The following ZNF624 variants were observed in gnomAD, a reference collection of about 807,000 sequenced individuals.
ZNF624 encodes zinc finger protein 624.
Under a neutral mutation model 74.7 loss-of-function variants are expected in ZNF624, and 43 were observed. The ratio of observed to expected loss-of-function variants is 0.58; its 90% confidence interval spans 0.45 to 0.74. ZNF624 has a LOEUF of 0.74. Ranked by LOEUF, ZNF624 falls within the 30% of genes least tolerant of loss-of-function variation. The probability of loss-of-function intolerance (pLI) is 0.00; values close to 1 mark genes in which losing one functional copy is unlikely to be tolerated. For synonymous variants in ZNF624, 331 were observed against 341.3 expected (o/e 0.97, Z 0.33); for missense variants, 820 against 1,030.0 (o/e 0.80, Z 2.79).
intron 3 of ZNF624, among the ~76,000 whole-genome samples, chr17:16,643,928 G>A (rs1040241213): frequency 4.6e-5 from 7 of 152,130 alleles, no homozygotes; most frequent in Non-Finnish European, 1.0e-4. Context: ...GGGCCTAATG[G>A]GAGGTGTTTG....
chr17:16,624,896 G>T (rs1909031433), intron 5 of ZNF624: 1 of 162,594 alleles, frequency 6.2e-6, no homozygotes, highest in Non-Finnish European at 1.2e-5. Flanking sequence ...AATTAGCCAG[G>T]CATGGTGGTG....
At position 16,647,364 on chromosome 17, in the gene ZNF624, G is replaced by A; in HGVS notation, c.118C>T (p.Leu40Phe). The change falls in exon 3 of 6, where the codon CTT becomes TTT. Residue 40 changes from leucine to phenylalanine, a missense_variant. Physicochemically the swap from Leu to Phe is conservative, Grantham distance 22 (BLOSUM62 0). Transcript: ENST00000311331. ...TGTGTTTCTTCTGCCTGAAGGTGAA[G>A]ATCTTCATCTGGCTGGGTAACTTCA... ...SPEVTQPDED[L>F]HLQAEETQLV... The A allele has an allele frequency of 6.2e-7, 1 of 1,614,180 alleles. No individual in the cohort carries two copies. The highest frequency in any genetic ancestry group is 8.5e-7 in the Non-Finnish European group (1 of 1,180,020).
Position 16,623,754 on chromosome 17 carries a change from G to A in ZNF624, c.1132C>T (p.His378Tyr). 1 of 1,614,022 alleles carries A rather than the reference G, an allele frequency of 6.2e-7. No individual in the cohort carries two copies. The highest frequency in any genetic ancestry group is 8.5e-7 in the Non-Finnish European group (1 of 1,180,008). The change falls in exon 6 of 6, where the codon CAC becomes TAC. Residue 378 changes from histidine to tyrosine, a missense_variant. Coordinates refer to ENST00000311331, the MANE Select transcript of ZNF624 (RefSeq NM_020787.4). The surrounding 1 kb of genome is among the most constrained non-coding windows in gnomAD (Gnocchi z 5.3). ...SFSQCARLNQ[H>Y]QRIQTGEKPY... ...TTCTCTCCAGTTTGAATTCTCTGGTGCTGATTAAGACGGGCACACTGGCTA... is the reference window on the plus strand; with the variant it reads ...TTCTCTCCAGTTTGAATTCTCTGGTACTGATTAAGACGGGCACACTGGCTA...
chr17:16,619,973 T>C (rs879512111), downstream of ZNF624, among the ~76,000 whole-genome samples: 1 of 152,212 alleles, frequency 6.6e-6, no homozygotes, highest in Non-Finnish European at 1.5e-5. Flanking sequence ...TCAATGAGGA[T>C]TGGTCTCTTA....
chr17:16,617,673 G>T (rs1908818746), downstream of ZNF624: 1 of 1,606,502 alleles, frequency 6.2e-7, no homozygotes, highest in South Asian at 1.1e-5. Flanking sequence ...CGGGCCCCGG[G>T]CGTGCTCTAC....
chr17:16,623,803 C>G lies in ZNF624; in HGVS notation c.1083G>C (p.Gln361His). 6.2e-7 allele frequency: 1 copy of G among 1,614,024 alleles called. No individual in the cohort carries two copies. The highest frequency in any genetic ancestry group is 1.1e-5 in the South Asian group (1 of 91,080). ...QRIHTKEKPY[Q>H]CNVCGKSFSQ... Reference sequence around the variant, plus strand: ...TAAAAGATTTCCCACACACATTACACTGATAAGGTTTCTCTTTAGTGTGAA... The same window carrying G: ...TAAAAGATTTCCCACACACATTACAGTGATAAGGTTTCTCTTTAGTGTGAA... The change falls in exon 6 of 6, where the codon CAG (glutamine) becomes CAC (histidine). Residue 361 changes from glutamine to histidine, a missense_variant. By Grantham distance (24) the Gln-to-His change is conservative. Transcript: ENST00000311331. The surrounding 1 kb of genome is among the most constrained non-coding windows in gnomAD (Gnocchi z 5.3).
At position 16,622,330 on chromosome 17, in the gene ZNF624, A is replaced by C. The variant is rs1459879778; in HGVS notation, c.2556T>G (p.Thr852=). 2 of 1,603,636 alleles carry C rather than the reference A, an allele frequency of 1.2e-6. No homozygotes were observed. The highest frequency in any genetic ancestry group is 1.3e-5 in the African/African-American group (1 of 74,284). ...CTCTTTGATGTATTCTTTGATGTAC[A>C]GTAAGGCTCGAACTACTCCTGAAGG... ...GKAFRSSSSL[T]VHQRIHQRET... Residue 852 remains threonine (T), a synonymous_variant, in exon 6 of 6, where the codon ACT becomes ACG. Transcript: ENST00000311331.
intron 1 of ZNF624, chr17:16,653,538 T>C (rs1419833325): frequency 6.6e-6 from 1 of 152,336 alleles, no homozygotes; most frequent in African/African-American, 2.4e-5. Flanking sequence ...GGACCCGGAC[T>C]AGGAGGCCGC....
intron 3 of ZNF624, among the ~76,000 whole-genome samples, chr17:16,643,828 G>C (rs1909523279): frequency 6.6e-6 from 1 of 152,182 alleles, no homozygotes; most frequent in Admixed American, 6.5e-5. Context: ...GTAGAAGTGT[G>C]AGTTAACTTT....
intron 3 of ZNF624, among the ~76,000 whole-genome samples, chr17:16,638,783 C>T (rs1281999477): frequency 6.6e-6 from 1 of 151,924 alleles, no homozygotes; most frequent in Non-Finnish European, 1.5e-5. Context: ...GTGCAGCACA[C>T]CAACATGGCA....
chr17:16,645,648 C>G (rs71360182), intron 3 of ZNF624, among the ~76,000 whole-genome samples: 2 of 137,052 alleles, frequency 1.5e-5, no homozygotes, highest in Non-Finnish European at 3.2e-5. Flanking sequence ...AAAAAAAAAA[C>G]AAAACACTAA....
Position 16,650,771 on chromosome 17 carries a change from G to A in ZNF624, c.-2-1025C>T, listed in dbSNP as rs140536987. Among the ~76,000 whole-genome samples, 14 of 152,226 alleles carry A rather than the reference G, an allele frequency of 9.2e-5. No individual in the cohort carries two copies. The East Asian group carries it at 2.7e-3, about 29-fold the overall frequency. Reference sequence around the variant, plus strand: ...TAAGTATTAAGTTTTTGTACAAAAAGTGTTATAAGCAATTATATGGTCCTG... The same window carrying A: ...TAAGTATTAAGTTTTTGTACAAAAAATGTTATAAGCAATTATATGGTCCTG... On this transcript the variant is annotated intron_variant, in intron 1 of 5. Coordinates refer to ENST00000311331, the MANE Select transcript of ZNF624 (RefSeq NM_020787.4).
chr17:16,645,918 C>T (rs966333657), intron 3 of ZNF624, among the ~76,000 whole-genome samples: 1 of 132,232 alleles, frequency 7.6e-6, no homozygotes, highest in African/African-American at 3.0e-5. Flanking sequence ...TGCCACTGTG[C>T]CTGGGTGACA....
chr17:16,615,577 A>T, the ZNF624 span, among the ~76,000 whole-genome samples: 1 of 152,192 alleles, frequency 6.6e-6, no homozygotes, highest in African/African-American at 2.4e-5. Context: ...GAAAAACTAT[A>T]ATCATCTCAA....
At position 16,620,978 on chromosome 17, in the gene ZNF624, C is replaced by T. The variant is rs1908895882; in HGVS notation, c.*1310G>A. ...ACATTTTTCTGTTTTTACAGTCTCC[C>T]CTTCCCTTATCTCTACTTCTCCTTT... On this transcript the variant is annotated 3_prime_UTR_variant, in exon 6 of 6. Transcript: ENST00000311331. The T allele has an allele frequency of 6.6e-6, 1 of 152,036 alleles. No individual in the cohort carries two copies. Among genetic ancestry groups the T allele is most frequent in the African/African-American group, 2.4e-5 (1 of 41,382 alleles). The allele number at this position is 152,036 out of a possible 1,614,324, so 9.4% of individuals were successfully genotyped here.
At chr17:16,616,847 G>A (rs1242621684), downstream of ZNF624, 15 of 1,214,790 alleles carry the variant, frequency 1.2e-5, no homozygotes, top group Admixed American at 3.1e-4. Flanking sequence ...AGAGTTCTGA[G>A]TTAATCCCTG....
chr17:16,618,893 G>A (rs1356768206), downstream of ZNF624, among the ~76,000 whole-genome samples: 5 of 152,154 alleles, frequency 3.3e-5, no homozygotes, highest in African/African-American at 1.2e-4. Context: ...CTAGTCAAAC[G>A]TAGGTTATTA....
chr17:16,634,852 G>C (rs1337538048), intron 3 of ZNF624, 96 bp from the exon 4 acceptor site: 11 of 1,167,862 alleles, frequency 9.4e-6, no homozygotes, highest in African/African-American at 9.2e-5. Flanking sequence ...CCAGAAACCA[G>C]AATCACCAAA....
chr17:16,617,028 TC>T (rs1181603454), downstream of ZNF624: 6 of 1,608,742 alleles, frequency 3.7e-6, no homozygotes. Flanking sequence ...TATGACCCTT[TC>T]CATTTTCTTT....
Sources: allele counts gnomAD v4.1 joint callset (sites outside exome capture counted in the v4.1 genomes callset), GRCh38; gene constraint gnomAD v4.1.1; non-coding constraint Gnocchi (gnomAD v3.1); transcripts MANE v1.5; gene names NCBI Gene and HGNC (gene_info 2026-07-23, HGNC 2026-07-21).